Variants in S100A8 observed in about 807,000 individuals in gnomAD.
S100A8 encodes protein S100-A8.
S100A8 carries 1 observed loss-of-function variant against 4.2 expected under a neutral mutation model. The ratio of observed to expected loss-of-function variants is 0.24; its 90% CI spans 0.08 to 1.12. The LOEUF is 1.12. Ranked by LOEUF, S100A8 falls within the 50% of genes most tolerant of loss-of-function variation. The pLI is 0.53. For missense variants in S100A8, 96 were observed against 111.8 expected, an observed-to-expected ratio of 0.86 and a Z score of 0.64; for synonymous variants, 41 against 44.7, an observed-to-expected ratio of 0.92 and a Z score of 0.33.
At chr1:153,399,301 G>A in the S100A8 span, among the ~76,000 whole-genome samples, 2 of 152,150 alleles carry the variant, frequency 1.3e-5, no homozygotes, top group Admixed American at 1.3e-4. Context: ...CATTCCTGAG[G>A]TGACATCACA....
upstream of S100A8, among the ~76,000 whole-genome samples, chr1:153,395,210 T>G (rs1286358694): frequency 6.6e-6 from 1 of 151,988 alleles, no homozygotes; most frequent in African/African-American, 2.4e-5. Flanking sequence ...ACCCAACCCT[T>G]CTCTCCCTCA....
the S100A8 span, among the ~76,000 whole-genome samples, chr1:153,406,565 G>A: frequency 6.6e-6 from 1 of 152,186 alleles, no homozygotes; most frequent in African/African-American, 2.4e-5. Flanking sequence ...AGCACTCACA[G>A]CATAAATGAA....
chr1:153,415,337 C>G, the S100A8 span, among the ~76,000 whole-genome samples: 1 of 152,090 alleles, frequency 6.6e-6, no homozygotes, highest in African/African-American at 2.4e-5. Flanking sequence ...ATAGGTCCCA[C>G]CTAGGGAGAC....
the S100A8 span, chr1:153,418,215 A>G: frequency 6.2e-7 from 1 of 1,613,992 alleles, no homozygotes; most frequent in Non-Finnish European, 8.5e-7. Context: ...CAATTTCCTC[A>G]GTGCCTGTGT....
chr1:153,398,678 C>T, the S100A8 span, among the ~76,000 whole-genome samples: 6 of 152,226 alleles, frequency 3.9e-5, no homozygotes, highest in African/African-American at 1.4e-4. Context: ...ATCAGGACAA[C>T]TGCTGCTTCC....
At chr1:153,402,556 G>GGGGCA in the S100A8 span, among the ~76,000 whole-genome samples, 1 of 152,212 alleles carries the variant, frequency 6.6e-6, no homozygotes, top group African/African-American at 2.4e-5. Context: ...TGAGGTCTGA[G>GGGGCA]GGGCAGGCAG....
At chr1:153,417,740 G>A in the S100A8 span, among the ~76,000 whole-genome samples, 1 of 152,032 alleles carries the variant, frequency 6.6e-6, no homozygotes, top group East Asian at 1.9e-4. Flanking sequence ...TGTGCTGGTT[G>A]AGGCTGGGGG....
At chr1:153,400,749 G>T in the S100A8 span, among the ~76,000 whole-genome samples, 1 of 152,202 alleles carries the variant, frequency 6.6e-6, no homozygotes, top group East Asian at 1.9e-4. Context: ...GAATTCTTTG[G>T]TTCAGCCATC....
chr1:153,396,298 G>C, the S100A8 span, among the ~76,000 whole-genome samples: 1 of 152,266 alleles, frequency 6.6e-6, no homozygotes, highest in East Asian at 1.9e-4. Context: ...TGGAGGCAAG[G>C]GCTATTTCGT....
chr1:153,419,145 G>A, the S100A8 span: 3 of 1,613,280 alleles, frequency 1.9e-6, no homozygotes, highest in Non-Finnish European at 8.5e-7. Context: ...CTCTTCACAG[G>A]ACAAAAAGGG....
chr1:153,419,290 G>C, the S100A8 span: 3 of 1,614,034 alleles, frequency 1.9e-6, no homozygotes, highest in Middle Eastern at 1.6e-4. Context: ...GCGGCGCCCT[G>C]TTCTGGGGGA....
the S100A8 span, chr1:153,419,455 C>T: frequency 5.4e-6 from 5 of 932,808 alleles, no homozygotes; most frequent in African/African-American, 6.8e-5. Flanking sequence ...GAATTTCCCC[C>T]ACCCCCATCC....
upstream of S100A8, among the ~76,000 whole-genome samples, chr1:153,393,618 T>C (rs1662151240): frequency 1.3e-5 from 2 of 152,210 alleles, no homozygotes; most frequent in Non-Finnish European, 2.9e-5. Context: ...AAGCTCCATC[T>C]AGGAAAACAA....
the S100A8 span, among the ~76,000 whole-genome samples, chr1:153,408,014 G>A: frequency 6.6e-6 from 1 of 152,120 alleles, no homozygotes; most frequent in Non-Finnish European, 1.5e-5. Flanking sequence ...ACAAAGATGG[G>A]GAGAAGCCAG....
chr1:153,417,915 A>G, the S100A8 span: 84 of 977,346 alleles, frequency 8.6e-5, 1 homozygote, highest in South Asian at 6.4e-4. Context: ...TCATTTTTGA[A>G]CAACTTATCC....
the S100A8 span, among the ~76,000 whole-genome samples, chr1:153,398,336 G>A: frequency 6.6e-6 from 1 of 152,204 alleles, no homozygotes; most frequent in African/African-American, 2.4e-5. Flanking sequence ...CTGGGGATAA[G>A]AGGTGGAAGG....
the S100A8 span, among the ~76,000 whole-genome samples, chr1:153,411,009 C>T: frequency 6.6e-6 from 1 of 152,112 alleles, no homozygotes; most frequent in African/African-American, 2.4e-5. Context: ...TATGACAAAC[C>T]CACAGCCAGT....
At chr1:153,402,321 C>T in the S100A8 span, among the ~76,000 whole-genome samples, 1 of 152,196 alleles carries the variant, frequency 6.6e-6, no homozygotes, top group Non-Finnish European at 1.5e-5. Flanking sequence ...AATGCAGAGG[C>T]ACATTTCTAA....
At chr1:153,396,490 C>T in the S100A8 span, 2,253 of 152,978 alleles carry the variant, frequency 0.015, 62 homozygotes, top group African/African-American at 0.051. Flanking sequence ...CAGGGACACA[C>T]ACAGACACAC....
Sources: allele counts gnomAD v4.1 joint callset (sites outside exome capture counted in the v4.1 genomes callset), GRCh38; gene constraint gnomAD v4.1.1; transcripts MANE v1.5; gene names NCBI Gene and HGNC (gene_info 2026-07-23, HGNC 2026-07-21).